Variants in THRB observed in about 807,000 individuals in gnomAD.
The protein encoded by THRB is thyroid hormone receptor beta.
In THRB, 12 loss-of-function variants were observed where a neutral mutation model predicts 47.8. That is an observed-to-expected ratio of 0.25 (90% CI 0.16 to 0.41). The LOEUF (loss-of-function observed/expected upper bound fraction) is 0.41. THRB is among the 10% of genes least tolerant of loss of function. The pLI, the probability that THRB is intolerant of heterozygous loss-of-function variation, is 1.00. For missense variants in THRB, 348 were observed against 589.2 expected, an observed-to-expected ratio of 0.59 and a Z score of 4.24; for synonymous variants, 218 against 212.2, an observed-to-expected ratio of 1.03 and a Z score of -0.24.
At chr3:24,432,482 C>A (rs1475656484) in intron 1 of THRB, among the ~76,000 whole-genome samples, 1 of 152,018 alleles carries the variant, frequency 6.6e-6, no homozygotes, top group Non-Finnish European at 1.5e-5. Context: ...ATATTCAGCA[C>A]TAAAGCTATA....
intron 4 of THRB, among the ~76,000 whole-genome samples, chr3:24,225,543 T>A (rs1368778379): frequency 6.6e-6 from 1 of 152,156 alleles, no homozygotes; most frequent in East Asian, 1.9e-4. Flanking sequence ...TACAGCCAGG[T>A]TCAGCGCAAA....
chr3:24,434,996 T>C (rs2070798181), intron 1 of THRB, among the ~76,000 whole-genome samples: 1 of 152,100 alleles, frequency 6.6e-6, no homozygotes, highest in Non-Finnish European at 1.5e-5. Context: ...AGAAAATAGG[T>C]AAAATCTGGT....
chr3:24,234,049 T>C (rs1369002937), intron 3 of THRB, among the ~76,000 whole-genome samples: 1 of 152,214 alleles, frequency 6.6e-6, no homozygotes, highest in Admixed American at 6.5e-5. Flanking sequence ...GTGTATGAAA[T>C]GGCTTCAGGG....
chr3:24,376,540 GA>G (rs1472381719), intron 1 of THRB, among the ~76,000 whole-genome samples: 1 of 152,130 alleles, frequency 6.6e-6, no homozygotes, highest in African/African-American at 2.4e-5. Flanking sequence ...GCTATTCTGT[GA>G]GCAGAAAAGG....
At chr3:24,275,973 C>A (rs893822621) in intron 3 of THRB, among the ~76,000 whole-genome samples, 2 of 152,054 alleles carry the variant, frequency 1.3e-5, no homozygotes, top group African/African-American at 4.8e-5. Flanking sequence ...ACTCATTTCC[C>A]AGAAACTGAA....
intron 1 of THRB, among the ~76,000 whole-genome samples, chr3:24,491,495 G>A (rs543077886): frequency 3.3e-5 from 5 of 152,230 alleles, no homozygotes; most frequent in South Asian, 2.1e-4. Context: ...TTTATGAAGC[G>A]GCAAAAGAGG....
intron 3 of THRB, among the ~76,000 whole-genome samples, chr3:24,282,922 C>T (rs931492734): frequency 7.9e-5 from 12 of 151,892 alleles, no homozygotes; most frequent in African/African-American, 2.9e-4. Flanking sequence ...ATAACAGGAT[C>T]TGAAATTGTG....
intron 10 of THRB, among the ~76,000 whole-genome samples, chr3:24,126,859 T>A (rs985228083): frequency 1.3e-5 from 2 of 152,212 alleles, no homozygotes; most frequent in Admixed American, 1.3e-4. Flanking sequence ...GATTTGAGAC[T>A]GGGCCTCATG....
At chr3:24,131,804 T>TC (rs2033899507) in intron 9 of THRB, among the ~76,000 whole-genome samples, 2 of 152,174 alleles carry the variant, frequency 1.3e-5, no homozygotes, top group African/African-American at 2.4e-5. Context: ...CGTCCCAGCC[T>TC]CCAGAACTGT....
chr3:24,203,868 C>A (rs142440103), intron 4 of THRB, among the ~76,000 whole-genome samples: 118 of 152,382 alleles, frequency 7.7e-4, no homozygotes, highest in East Asian at 6.2e-3. Flanking sequence ...TATCCCACGC[C>A]TGGCTTGGAG....
chr3:24,368,919 G>GGTTC (rs1344075701), intron 1 of THRB, among the ~76,000 whole-genome samples: 1 of 152,152 alleles, frequency 6.6e-6, no homozygotes, highest in Non-Finnish European at 1.5e-5. Flanking sequence ...AGTCTATGAA[G>GGTTC]GTTCGGAGGG....
intron 3 of THRB, among the ~76,000 whole-genome samples, chr3:24,259,620 CTTTTTT>C (rs10671187): frequency 7.1e-5 from 7 of 98,254 alleles, no homozygotes; most frequent in African/African-American, 2.7e-4. Context: ...CTCTGCTTAC[CTTTTTT>C]TTTTTTTTTT....
intron 5 of THRB, among the ~76,000 whole-genome samples, chr3:24,187,260 T>A (rs970889601): frequency 2.0e-5 from 3 of 152,306 alleles, no homozygotes; most frequent in Non-Finnish European, 2.9e-5. Context: ...GCTATAAAAG[T>A]TCCTAAAGCT....
intron 5 of THRB, among the ~76,000 whole-genome samples, chr3:24,176,888 ATATACTAACAATCAT>A (rs1433434798): frequency 2.0e-5 from 3 of 152,308 alleles, no homozygotes; most frequent in African/African-American, 7.2e-5. Flanking sequence ...GCCTCTGTAA[ATATACTAACAATCAT>A]TGAACTATAC....
chr3:24,404,060 G>A (rs939924306), intron 1 of THRB, among the ~76,000 whole-genome samples: 2 of 151,890 alleles, frequency 1.3e-5, no homozygotes, highest in Non-Finnish European at 2.9e-5. Context: ...ATATACCATC[G>A]TGGGCTTGAT....
chr3:24,270,628 C>T (rs532626075), intron 3 of THRB, among the ~76,000 whole-genome samples: 1 of 152,282 alleles, frequency 6.6e-6, no homozygotes, highest in East Asian at 1.9e-4. Flanking sequence ...GAAAAGACAG[C>T]TAACGGGGGT....
At chr3:24,281,126 A>G (rs1365980957) in intron 3 of THRB, among the ~76,000 whole-genome samples, 1 of 152,172 alleles carries the variant, frequency 6.6e-6, no homozygotes, top group African/African-American at 2.4e-5. Context: ...ACACCAAGAC[A>G]CATAATTGTC....
intron 3 of THRB, among the ~76,000 whole-genome samples, chr3:24,271,612 T>G (rs564226707): frequency 1.1e-4 from 17 of 152,294 alleles, no homozygotes; most frequent in Non-Finnish European, 4.4e-5. Flanking sequence ...TGGGCCCTCT[T>G]TGAATTCCAA....
intron 2 of THRB, among the ~76,000 whole-genome samples, chr3:24,310,689 T>C (rs755642428): frequency 2.0e-5 from 3 of 152,204 alleles, no homozygotes; most frequent in Non-Finnish European, 4.4e-5. Flanking sequence ...CATCTCTCAG[T>C]AGACATTTGG....
Sources: allele counts gnomAD v4.1 joint callset (sites outside exome capture counted in the v4.1 genomes callset), GRCh38; gene constraint gnomAD v4.1.1; transcripts MANE v1.5; gene names NCBI Gene and HGNC (gene_info 2026-07-23, HGNC 2026-07-21).